USP46: variants seen among roughly 807,000 people sequenced by gnomAD.
USP46 encodes the protein ubiquitin carboxyl-terminal hydrolase 46.
USP46 carries 12 observed loss-of-function variants against 44.4 expected under a neutral mutation model. The observed-to-expected ratio is 0.27, with a 90% CI of 0.17 to 0.44. The LOEUF is 0.44. Ranked by LOEUF, USP46 falls within the 20% of genes least tolerant of loss-of-function variation. USP46 has a pLI of 1.00. For missense variants in USP46, 248 were observed against 444.8 expected, an observed-to-expected ratio of 0.56 and a Z score of 3.98; for synonymous variants, 155 against 161.5, an observed-to-expected ratio of 0.96 and a Z score of 0.31.
Position 52,602,072 on chromosome 4 carries a change from A to G in USP46, c.723-18T>C, listed in dbSNP as rs756859290. The G allele has an allele frequency of 1.9e-6, 3 of 1,606,798 alleles. No individual in the cohort carries two copies. In the South Asian group the frequency reaches 3.3e-5, roughly 18 times the overall value. On this transcript the variant is annotated intron_variant, in intron 6 of 8. Coordinates refer to ENST00000441222, the MANE Select transcript of USP46 (RefSeq NM_022832.4). ...CCCTCATCCTAAGAAACCAAGAAAT[A>G]GAAAATCAGTTGTACCCAACACCTA... is the stretch of plus-strand genomic sequence containing the variant.
intron 1 of USP46, among the ~76,000 whole-genome samples, chr4:52,652,635 G>A (rs1718807726): frequency 6.6e-6 from 1 of 152,046 alleles, no homozygotes; most frequent in African/African-American, 2.4e-5. Flanking sequence ...AAACTGAGAG[G>A]AATGTTTAAT....
intron 4 of USP46, among the ~76,000 whole-genome samples, chr4:52,614,614 C>A (rs956015197): frequency 6.6e-6 from 1 of 152,118 alleles, no homozygotes; most frequent in Non-Finnish European, 1.5e-5. Flanking sequence ...ATATAAGAGA[C>A]CTGCATCACA....
rs558722674 is a variant in USP46 at position 52,654,151 on chromosome 4, G to A, written c.36+4964C>T. On this transcript the variant is annotated intron_variant, in intron 1 of 8. Transcript: ENST00000441222. ...AAACCTCTGCATATGAGACCAGTGG[G>A]GCCAGAAAAACAGAATTTCTTTTCT... Among the ~76,000 whole-genome samples, 37 of 152,196 alleles carry A rather than the reference G, an allele frequency of 2.4e-4. No individual in the cohort carries two copies. The Middle Eastern group carries it at 0.01, about 42-fold the overall frequency.
At chr4:52,606,906 T>C (rs1394749859) in intron 5 of USP46, among the ~76,000 whole-genome samples, 1 of 152,204 alleles carries the variant, frequency 6.6e-6, no homozygotes, top group African/African-American at 2.4e-5. Context: ...CTTAGCTGAA[T>C]GAATACTTCA....
intron 1 of USP46, among the ~76,000 whole-genome samples, chr4:52,642,333 C>T (rs527906541): frequency 2.6e-5 from 4 of 152,320 alleles, no homozygotes; most frequent in Non-Finnish European, 4.4e-5. Context: ...TGCTACTGGC[C>T]TTATTTTAAA....
At chr4:52,630,447 G>T (rs1317964867) in intron 2 of USP46, among the ~76,000 whole-genome samples, 1 of 152,178 alleles carries the variant, frequency 6.6e-6, no homozygotes, top group East Asian at 1.9e-4. Context: ...AAATGACACA[G>T]GCAGAACATA....
intron 1 of USP46, among the ~76,000 whole-genome samples, chr4:52,638,640 T>A (rs920172077): frequency 2.0e-5 from 3 of 148,038 alleles, no homozygotes; most frequent in African/African-American, 4.9e-5. Context: ...ATATATAATT[T>A]TATATATATA....
chr4:52,624,975 T>C (rs1484586590), intron 4 of USP46, among the ~76,000 whole-genome samples: 2 of 152,152 alleles, frequency 1.3e-5, no homozygotes, highest in Admixed American at 1.3e-4. Context: ...TCATGAGGGA[T>C]TGCGTTGTAG....
intron 4 of USP46, among the ~76,000 whole-genome samples, chr4:52,618,113 G>C (rs1717235534): frequency 6.6e-6 from 1 of 152,088 alleles, no homozygotes; most frequent in Non-Finnish European, 1.5e-5. Context: ...AGGCACAGTA[G>C]TGGCTCACGC....
At position 52,593,604 on chromosome 4, in the gene USP46, T is replaced by G. The variant is rs1278841638; in HGVS notation, c.*4036A>C. On this transcript the variant is annotated 3_prime_UTR_variant, in exon 9 of 9. Coordinates refer to ENST00000441222, the MANE Select transcript of USP46 (RefSeq NM_022832.4). Reference sequence around the variant, plus strand: ...TCACTGAGGCCACATGGCATGGACCTGTGCCTGCCCTCCTTCTGGGGCAGG... The same window carrying G: ...TCACTGAGGCCACATGGCATGGACCGGTGCCTGCCCTCCTTCTGGGGCAGG... 6.6e-6 allele frequency: 1 copy of G among 152,284 alleles called. No individual in the cohort carries two copies. The highest frequency in any genetic ancestry group is 2.4e-5 in the African/African-American group (1 of 41,476). 9.4% of individuals were successfully genotyped at this position (152,284 alleles called of 1,614,324 possible). A position where few individuals can be genotyped will look rare whatever the true frequency, so the allele number is the denominator to read the frequency against.
At position 52,602,007 on chromosome 4, in the gene USP46, C is replaced by T. The variant is rs1448129779; in HGVS notation, c.770G>A (p.Arg257Gln). The T allele has an allele frequency of 1.2e-6, 2 of 1,613,748 alleles. No individual in the cohort carries two copies. The highest frequency in any genetic ancestry group is 8.5e-7 in the Non-Finnish European group (1 of 1,179,844). The change falls in exon 7 of 9, where the codon CGG (arginine) becomes CAG (glutamine). Residue 257 changes from arginine to glutamine, a missense_variant. Around this residue, in one of 5 missense-constraint regions of USP46, gnomAD observed 98 missense variants for 218.2 expected, o/e 0.45. Coordinates refer to ENST00000441222, the MANE Select transcript of USP46 (RefSeq NM_022832.4). ...GTGCAGCTGCTCCATGTACTTGAAC[C>T]GCTTTAGGTGCAGGGCCAAGATCAT... ...LPMILALHLKRFKYMEQLHRY... is the reference protein window; with the variant it reads ...LPMILALHLKQFKYMEQLHRY...
Position 52,597,447 on chromosome 4 carries a change from G to T in USP46, c.*193C>A, listed in dbSNP as rs576319053. On this transcript the variant is annotated 3_prime_UTR_variant, in exon 9 of 9. Transcript: ENST00000441222. ...ACAATCTGATTGCAGTTAACTCTATGTCAGACTGAAATAAAACCAAGAGTA... is the reference window on the plus strand; with the variant it reads ...ACAATCTGATTGCAGTTAACTCTATTTCAGACTGAAATAAAACCAAGAGTA... The T allele has an allele frequency of 1.1e-5, 6 of 534,990 alleles. No homozygotes were observed. In the South Asian group the frequency reaches 1.4e-4, roughly 13 times the overall value. 33.1% of individuals were successfully genotyped at this position (534,990 alleles called of 1,614,324 possible).
intron 4 of USP46, among the ~76,000 whole-genome samples, chr4:52,615,579 A>G (rs1346575764): frequency 1.3e-5 from 2 of 152,200 alleles, no homozygotes; most frequent in African/African-American, 4.8e-5. Context: ...TACATGCTAC[A>G]CCACCAATGA....
chr4:52,659,006 A>AC lies in USP46; in HGVS notation c.36+108dup. On this transcript the variant is annotated intron_variant, in intron 1 of 8. Transcript: ENST00000441222. This position sits in a 1 kb window ranked among gnomAD's most constrained non-coding sequence, Gnocchi z 4.2. The stretch of plus-strand genomic sequence containing the variant: ...GGGCCGGGAACTTCTGGCGGCGCGG[A>AC]CCCCGCCGCCCCCGCCGCCCCAGCC... 1 of 1,328,924 alleles carries AC rather than the reference A, an allele frequency of 7.5e-7. No individual in the cohort carries two copies. The highest frequency in any genetic ancestry group is 9.9e-7 in the Non-Finnish European group (1 of 1,005,482). 82.3% of individuals were successfully genotyped at this position (1,328,924 alleles called of 1,614,324 possible).
chr4:52,629,553 G>A (rs766091964), intron 2 of USP46: 4 of 455,394 alleles, frequency 8.8e-6, no homozygotes, highest in Non-Finnish European at 1.8e-5. Context: ...TCATAAGTCA[G>A]TATTTCACCA....
At chr4:52,645,372 A>G (rs903211111) in intron 1 of USP46, among the ~76,000 whole-genome samples, 2 of 152,200 alleles carry the variant, frequency 1.3e-5, no homozygotes, top group African/African-American at 4.8e-5. Context: ...GCATTAAAGA[A>G]CATCTAGAAA....
intron 1 of USP46, among the ~76,000 whole-genome samples, chr4:52,638,085 C>G (rs549246395): frequency 6.6e-6 from 1 of 152,256 alleles, no homozygotes; most frequent in East Asian, 1.9e-4. Context: ...ATGACGTTAC[C>G]TTATGTGGCA....
At chr4:52,606,918 T>C (rs552001168) in intron 5 of USP46, among the ~76,000 whole-genome samples, 3 of 152,272 alleles carry the variant, frequency 2.0e-5, no homozygotes, top group Admixed American at 6.5e-5. Flanking sequence ...AATACTTCAA[T>C]TGAGTAAGTG....
At chr4:52,656,209 A>G (rs1418055476) in intron 1 of USP46, 4 of 1,383,794 alleles carry the variant, frequency 2.9e-6, no homozygotes, top group Non-Finnish European at 4.0e-6. Context: ...TACTCAAACC[A>G]GCTGGGACCA....
Sources: gnomAD v4.1 joint callset for allele counts (sites outside exome capture counted in the v4.1 genomes callset) on GRCh38, gnomAD v4.1.1 for gene constraint, gnomAD v4.1.1 regional missense constraint, Gnocchi (gnomAD v3.1) non-coding constraint, MANE v1.5 for transcripts, NCBI Gene and HGNC (gene_info 2026-07-23, HGNC 2026-07-21) for gene names.